The following ADCY9 variants were observed in gnomAD, a reference collection of about 807,000 sequenced individuals.
ADCY9 encodes adenylate cyclase type 9.
Under a neutral mutation model 101.5 loss-of-function variants are expected in ADCY9, and 50 were observed. The observed-to-expected ratio is 0.49, with a 90% confidence interval of 0.39 to 0.62. The LOEUF (loss-of-function observed/expected upper bound fraction) is 0.62, where lower values mean the gene tolerates loss of function less well. Ranked by LOEUF, ADCY9 falls within the 20% of genes least tolerant of loss-of-function variation. ADCY9 has a pLI of 0.00. For missense variants in ADCY9, 1,662 were observed against 1,800.4 expected, an observed-to-expected ratio of 0.92 and a Z score of 1.39; for synonymous variants, 905 against 769.3, an observed-to-expected ratio of 1.18 and a Z score of -2.92.
chr16:3,960,894 C>T (rs1394757759), downstream of ADCY9, among the ~76,000 whole-genome samples: 1 of 152,192 alleles, frequency 6.6e-6, no homozygotes, highest in Non-Finnish European at 1.5e-5. Context: ...ATGTCCATTG[C>T]GTGCAAGTGT....
intron 3 of ADCY9, among the ~76,000 whole-genome samples, chr16:4,004,391 T>C (rs1242529053): frequency 2.0e-5 from 3 of 152,100 alleles, no homozygotes; most frequent in African/African-American, 4.8e-5. Context: ...CAGGTTATGT[T>C]ACATTAGATA....
chr16:4,098,769 G>A (rs559125895), intron 2 of ADCY9, among the ~76,000 whole-genome samples: 2 of 152,280 alleles, frequency 1.3e-5, no homozygotes, highest in South Asian at 4.1e-4. Context: ...AGGCACTGTT[G>A]AGAGCAAGGC....
Position 3,992,814 on chromosome 16 carries a change from G to C in ADCY9, c.1990-451C>G, listed in dbSNP as rs1051427273. Among the ~76,000 whole-genome samples, 1 of 152,134 alleles carries C rather than the reference G, an allele frequency of 6.6e-6. No individual in the cohort carries two copies. The highest frequency in any genetic ancestry group is 6.5e-5 in the Admixed American group (1 of 15,272). ...GGATGGAAACGGGCTCGTGTCGTGG[G>C]TGTCCCCCGTGGCTGTGGGAAGGCA... On this transcript the variant is annotated intron_variant, in intron 4 of 10. Transcript: ENST00000294016. The surrounding 1 kb of genome is among the most constrained non-coding windows in gnomAD (Gnocchi z 4.2).
At chr16:4,054,713 G>C (rs147221676) in intron 2 of ADCY9, among the ~76,000 whole-genome samples, 2 of 152,024 alleles carry the variant, frequency 1.3e-5, no homozygotes, top group Non-Finnish European at 2.9e-5. Context: ...TGGGACTACA[G>C]GTGCCCGCCA....
At position 4,030,093 on chromosome 16, in the gene ADCY9, A is replaced by C. The variant is rs554286053; in HGVS notation, c.1694-22535T>G. Reference sequence around the variant, plus strand: ...ATTTGTTATCACCATTTGTAAAACAAGTCGGTATTACCGATGGAAGTTGAA... The same window carrying C: ...ATTTGTTATCACCATTTGTAAAACACGTCGGTATTACCGATGGAAGTTGAA... On this transcript the variant is annotated intron_variant, in intron 2 of 10. Transcript: ENST00000294016. Among the ~76,000 whole-genome samples the C allele has an allele frequency of 2.2e-4, 33 of 152,294 alleles. No homozygotes were observed. In the East Asian group the frequency reaches 4.4e-3, roughly 20 times the overall value.
Position 3,965,306 on chromosome 16 carries a change from T to G in ADCY9, c.*469A>C. 5.6e-6 allele frequency: 1 copy of G among 177,136 alleles called. No homozygotes were observed. The highest frequency in any genetic ancestry group is 1.2e-5 in the Non-Finnish European group (1 of 83,006). The allele number at this position is 177,136 out of a possible 1,614,324, so 11.0% of individuals were successfully genotyped here. On this transcript the variant is annotated 3_prime_UTR_variant, in exon 11 of 11. Transcript: ENST00000294016. ...TGTGTGCTTACATAGAGAGGTCGGGTCGTAGAGGAACACTGTGACATAGAC... is the reference window on the plus strand; with the variant it reads ...TGTGTGCTTACATAGAGAGGTCGGGGCGTAGAGGAACACTGTGACATAGAC...
chr16:4,033,485 G>A (rs182057034), intron 2 of ADCY9, among the ~76,000 whole-genome samples: 2 of 149,562 alleles, frequency 1.3e-5, no homozygotes, highest in East Asian at 3.9e-4. Flanking sequence ...CCAGGCCAGA[G>A]TGCAGTGGTG....
In ADCY9 at chr16:3,966,309, G is replaced by C. The variant is rs1177182374; in HGVS notation, c.3528C>G (p.Val1176=). Residue 1176 remains valine, a synonymous_variant, in exon 11 of 11, where the codon GTC becomes GTG. Coordinates refer to ENST00000294016, the MANE Select transcript of ADCY9 (RefSeq NM_001116.4). The part of the protein sequence containing the change: ...GFNHGPLTAG[V]IGTTKLLYDI... ...CGTACAGCAGCTTGGTGGTGCCGAT[G>C]ACCCCGGCCGTGAGGGGCCCATGGT... The C allele has an allele frequency of 6.2e-7, 1 of 1,614,130 alleles. No individual in the cohort carries two copies. Among genetic ancestry groups the C allele is most frequent in the South Asian group, 1.1e-5 (1 of 91,080 alleles).
intron 7 of ADCY9, among the ~76,000 whole-genome samples, chr16:3,980,262 A>C (rs924490664): frequency 1.4e-5 from 2 of 141,192 alleles, no homozygotes; most frequent in African/African-American, 4.9e-5. Context: ...GCTTCGTTTC[A>C]GGAGTGTGAT....
chr16:4,079,538 C>T (rs2056888869), intron 2 of ADCY9, among the ~76,000 whole-genome samples: 1 of 152,138 alleles, frequency 6.6e-6, no homozygotes, highest in South Asian at 2.1e-4. Flanking sequence ...CCCTGCACTT[C>T]AGCCTGGATG....
intron 2 of ADCY9, among the ~76,000 whole-genome samples, chr16:4,104,850 A>G (rs4785953): frequency 0.18 from 28,083 of 152,030 alleles, 3,061 homozygotes; most frequent in East Asian, 0.44. Flanking sequence ...ATCACTCAAA[A>G]AACCTCAGCC....
At chr16:4,051,996 G>A (rs778607917) in intron 2 of ADCY9, among the ~76,000 whole-genome samples, 4 of 152,172 alleles carry the variant, frequency 2.6e-5, no homozygotes, top group South Asian at 2.1e-4. Context: ...AAACCTGGTA[G>A]ACACCACCTC....
chr16:4,077,136 G>A lies in ADCY9; in HGVS notation c.1693+36614C>T, dbSNP rs568114162. Among the ~76,000 whole-genome samples, 14 of 151,980 alleles carry A rather than the reference G, an allele frequency of 9.2e-5. No homozygotes were observed. In the South Asian group the frequency reaches 1.7e-3, roughly 18 times the overall value. On this transcript the variant is annotated intron_variant, in intron 2 of 10. Transcript: ENST00000294016. ...TACACGCTTTCCACAGCTAGCATGCGGACTCACTGGACTACAGGGTGTAAG... is the reference window on the plus strand; with the variant it reads ...TACACGCTTTCCACAGCTAGCATGCAGACTCACTGGACTACAGGGTGTAAG...
chr16:4,075,703 A>T (rs1488669123), intron 2 of ADCY9, among the ~76,000 whole-genome samples: 1 of 152,156 alleles, frequency 6.6e-6, no homozygotes, highest in Non-Finnish European at 1.5e-5. Flanking sequence ...TTAACGCAAA[A>T]GGAGGTAAAA....
chr16:4,075,239 A>C (rs1201070968), intron 2 of ADCY9, among the ~76,000 whole-genome samples: 1 of 152,158 alleles, frequency 6.6e-6, no homozygotes, highest in Non-Finnish European at 1.5e-5. Flanking sequence ...CCCGGGTTCA[A>C]GCAATTCTCC....
chr16:4,070,691 A>G (rs2056828626), intron 2 of ADCY9, among the ~76,000 whole-genome samples: 3 of 152,104 alleles, frequency 2.0e-5, no homozygotes, highest in African/African-American at 7.2e-5. Flanking sequence ...CACACCTGTA[A>G]TCCTATCACT....
chr16:3,993,281 G>A (rs1205198670), intron 4 of ADCY9, 125 bp downstream of exon 4: 3 of 1,474,810 alleles, frequency 2.0e-6, no homozygotes, highest in Non-Finnish European at 2.7e-6. Context: ...GGACCCGCGG[G>A]TGCGGAGTGC....
intron 2 of ADCY9, among the ~76,000 whole-genome samples, chr16:4,062,126 C>T (rs1043148574): frequency 2.0e-5 from 3 of 152,122 alleles, no homozygotes; most frequent in African/African-American, 7.2e-5. Context: ...TGAAACCAGC[C>T]TGGGCAACAT....
Position 4,097,963 on chromosome 16 carries a change from G to T in ADCY9, c.1693+15787C>A, listed in dbSNP as rs569518479. On this transcript the variant is annotated intron_variant, in intron 2 of 10. Coordinates refer to ENST00000294016, the MANE Select transcript of ADCY9 (RefSeq NM_001116.4). ...AGGAAGTAAAACATGGAAAATTCCTGCTCTTAAGATGCATTCCAGTGGCGT... is the reference window on the plus strand; with the variant it reads ...AGGAAGTAAAACATGGAAAATTCCTTCTCTTAAGATGCATTCCAGTGGCGT... 1.1e-4 allele frequency among the ~76,000 whole-genome samples: 16 copies of T among 152,234 alleles called. No individual in the cohort carries two copies. In the East Asian group the frequency reaches 2.7e-3, roughly 26 times the overall value.
Sources: allele counts gnomAD v4.1 joint callset (sites outside exome capture counted in the v4.1 genomes callset), GRCh38; gene constraint gnomAD v4.1.1; non-coding constraint Gnocchi (gnomAD v3.1); transcripts MANE v1.5; gene names NCBI Gene and HGNC (gene_info 2026-07-23, HGNC 2026-07-21).